CLEC4G: variants seen among roughly 807,000 people sequenced by gnomAD.
CLEC4G encodes C-type lectin superfamily 4, member G.
In CLEC4G, 34 loss-of-function variants were observed where a neutral mutation model predicts 37.0. The observed-to-expected ratio is 0.92, with a 90% CI of 0.70 to 1.22. The LOEUF is 1.22. Ranked by LOEUF, CLEC4G falls within the 50% of genes most tolerant of loss-of-function variation. The pLI is 0.00. For missense variants in CLEC4G, 390 were observed against 392.9 expected, an observed-to-expected ratio of 0.99 and a Z score of 0.06; for synonymous variants, 167 against 165.6, an observed-to-expected ratio of 1.01 and a Z score of -0.06.
Position 7,731,693 on chromosome 19 carries a change from C to T in CLEC4G, c.134G>A (p.Trp45Ter). 6.2e-7 allele frequency: 1 copy of T among 1,614,122 alleles called. No individual in the cohort carries two copies. The highest frequency in any genetic ancestry group is 8.5e-7 in the Non-Finnish European group (1 of 1,180,002). The change falls in exon 2 of 9, where the codon TGG (tryptophan) becomes TAG (stop). Residue 45 changes from tryptophan to a stop codon, truncating the protein, a stop_gained. Transcript: ENST00000328853. LOFTEE classifies it high-confidence loss of function. Reference protein sequence around the residue: ...ALAVLVTTVLWAVILSILLSK... With the variant: ...ALAVLVTTVL The stretch of plus-strand genomic sequence containing the variant: ...CAATAGGATACTCAGAATCACAGCC[C>T]AAAGGACTGTGGTGACCAGGACAGC...
rs759912399 is a variant in CLEC4G at position 7,731,821 on chromosome 19, G to A, written c.56-50C>T. On this transcript the variant is annotated intron_variant, in intron 1 of 8. Transcript: ENST00000328853. ...GGGTCCCCCAGAACTGAGCCCTGGA[G>A]GCCTGAGTTACTCCCAGGAAACTGA... 24 of 1,581,558 alleles carry A rather than the reference G, an allele frequency of 1.5e-5. No individual in the cohort carries two copies. The Admixed American group carries it at 4.1e-4, about 27-fold the overall frequency.
In CLEC4G at chr19:7,730,208, G is replaced by A; in HGVS notation, c.479-41C>T. Reference sequence around the variant, plus strand: ...GGTCAGAGAGGTCGCGTGCTTCCAGGGGCAACGCACCGAGAGGATGCAGTG... The same window carrying A: ...GGTCAGAGAGGTCGCGTGCTTCCAGAGGCAACGCACCGAGAGGATGCAGTG... On this transcript the variant is annotated intron_variant, in intron 6 of 8. Coordinates refer to ENST00000328853, the MANE Select transcript of CLEC4G (RefSeq NM_198492.4). The surrounding 1 kb of genome is among the most constrained non-coding windows in gnomAD (Gnocchi z 7.3). 6.2e-7 allele frequency: 1 copy of A among 1,601,932 alleles called. No individual in the cohort carries two copies. The highest frequency in any genetic ancestry group is 8.5e-7 in the Non-Finnish European group (1 of 1,175,012).
At chr19:7,731,222 G>A (rs1324120407) in intron 3 of CLEC4G, 44 bp downstream of exon 3, 4 of 1,573,628 alleles carry the variant, frequency 2.5e-6, no homozygotes, top group Non-Finnish European at 1.7e-6. Flanking sequence ...AGAAACTCCC[G>A]CCCCTCACGC....
Position 7,731,818 on chromosome 19 carries a change from G to A in CLEC4G, c.56-47C>T, listed in dbSNP as rs766565468. On this transcript the variant is annotated intron_variant, in intron 1 of 8. Coordinates refer to ENST00000328853, the MANE Select transcript of CLEC4G (RefSeq NM_198492.4). ...GCTGGGTCCCCCAGAACTGAGCCCT[G>A]GAGGCCTGAGTTACTCCCAGGAAAC... The A allele has an allele frequency of 3.2e-6, 5 of 1,584,828 alleles. No homozygotes were observed. In the South Asian group the frequency reaches 3.4e-5, roughly 11 times the overall value.
At chr19:7,731,184 G>T in intron 3 of CLEC4G, 82 bp downstream of exon 3, 1 of 1,576,692 alleles carries the variant, frequency 6.3e-7, no homozygotes. Flanking sequence ...GGGCCCCCAC[G>T]CACTCGAGAC....
chr19:7,731,219 C>T (rs2033426990), intron 3 of CLEC4G, 47 bp downstream of exon 3: 2 of 1,574,656 alleles, frequency 1.3e-6, no homozygotes, highest in Non-Finnish European at 8.6e-7. Flanking sequence ...CTCAGAAACT[C>T]CCGCCCCTCA....
chr19:7,729,205 G>T lies in CLEC4G; in HGVS notation c.*161C>A. On this transcript the variant is annotated 3_prime_UTR_variant, in exon 9 of 9. Transcript: ENST00000328853. ...ATGGAGGTCCCAGAGCCCAGGCACT[G>T]GGCTGGACAGGGCTATGTTGGGCCA... 1.4e-6 allele frequency: 1 copy of T among 703,422 alleles called. No homozygotes were observed. The highest frequency in any genetic ancestry group is 2.3e-4 in the Middle Eastern group (1 of 4,370). 43.6% of individuals were successfully genotyped at this position (703,422 alleles called of 1,614,324 possible).
In CLEC4G at chr19:7,730,621, G is replaced by T. The variant is rs2033414011; in HGVS notation, c.388+134C>A. On this transcript the variant is annotated intron_variant, in intron 5 of 8. Coordinates refer to ENST00000328853, the MANE Select transcript of CLEC4G (RefSeq NM_198492.4). The surrounding 1 kb of genome is among the most constrained non-coding windows in gnomAD (Gnocchi z 7.3). ...TCCGGGTGTGGCCGGCGCTAGGAGT[G>T]GCAGTCAAGGTCAGAGTGCAGCGTC... 1.4e-5 allele frequency: 20 copies of T among 1,447,952 alleles called. No homozygotes were observed. The highest frequency in any genetic ancestry group is 1.8e-5 in the Non-Finnish European group (20 of 1,101,166). The allele number at this position is 1,447,952 out of a possible 1,614,324, so 89.7% of individuals were successfully genotyped here. A position where few individuals can be genotyped will look rare whatever the true frequency, so the allele number is the denominator to read the frequency against.
intron 8 of CLEC4G, 87 bp from the exon 9 acceptor site, chr19:7,729,591 G>A: frequency 1.6e-6 from 2 of 1,242,714 alleles, no homozygotes; most frequent in Non-Finnish European, 1.1e-6. Context: ...GCTCTAGCCT[G>A]TTTATTGCTT....
rs1168303220 is a variant in CLEC4G, at chr19:7,730,849, C to T, written c.294G>A (p.Thr98=). Reference sequence around the variant, plus strand: ...CGCGCGTGGTCTGCAGCTGCGCCTGCGTCCCCGAGCCTGGGAGCCGCAGGG... The same window carrying T: ...CGCGCGTGGTCTGCAGCTGCGCCTGTGTCCCCGAGCCTGGGAGCCGCAGGG... ...VGDCHSCCSG[T]QAQLQTTRAE... Residue 98 remains threonine (T), a synonymous_variant, in exon 5 of 9, where the codon ACG becomes ACA. Transcript: ENST00000328853. The surrounding 1 kb of genome is among the most constrained non-coding windows in gnomAD (Gnocchi z 7.3). 6 of 1,529,838 alleles carry T rather than the reference C, an allele frequency of 3.9e-6. No individual in the cohort carries two copies. The highest frequency in any genetic ancestry group is 1.2e-5 in the South Asian group (1 of 83,566). The allele number at this position is 1,529,838 out of a possible 1,614,324, so 94.8% of individuals were successfully genotyped here.
Position 7,729,509 on chromosome 19 carries a change from AG to A in CLEC4G, c.744-6del, listed in dbSNP as rs1177248377. ...GGCTCTCCCTGGTTCCAGTGGCTAC[AG>A]GGGGGTTGAGTGGGGGTGTTGCTGG... is the stretch of plus-strand genomic sequence containing the variant. On this transcript the variant is annotated splice_polypyrimidine_tract_variant and splice_region_variant and intron_variant, in intron 8 of 8. Coordinates refer to ENST00000328853, the MANE Select transcript of CLEC4G (RefSeq NM_198492.4). 8.8e-6 allele frequency: 14 copies of A among 1,586,598 alleles called. 1 individual carries two copies. In the East Asian group the frequency reaches 9.0e-5, roughly 10 times the overall value.
rs2033439854 is a variant in CLEC4G, at chr19:7,731,950, C to T, written c.55+98G>A. On this transcript the variant is annotated intron_variant, in intron 1 of 8. Transcript: ENST00000328853. ...TGGCTCTATGGCCTGTGGTGTCTCT[C>T]CTGCACCCACAACCCTGGCCTGTCT... 3.4e-6 allele frequency: 5 copies of T among 1,453,770 alleles called. No homozygotes were observed. The Admixed American group carries it at 5.2e-5, about 15-fold the overall frequency. The allele number at this position is 1,453,770 out of a possible 1,614,324, so 90.1% of individuals were successfully genotyped here.
intron 2 of CLEC4G, 119 bp from the exon 3 acceptor site, chr19:7,731,438 C>G (rs1396324432): frequency 1.0e-5 from 15 of 1,490,788 alleles, no homozygotes; most frequent in Non-Finnish European, 1.3e-5. Flanking sequence ...ACAGCTCACA[C>G]GATGTGCACA....
rs2033392547 is a variant in CLEC4G, at chr19:7,729,436, C to CCCGTG, written c.807_811dup (p.Gly271AlafsTer53). On this transcript the variant is annotated frameshift_variant, in exon 9 of 9. Transcript: ENST00000328853. LOFTEE classifies it low-confidence loss of function (END_TRUNC). Reference sequence around the variant, plus strand: ...GTCACACGGTGCGTCGTTCCACAGCCCCGTGTGCAGCATCATGACACAGTT... The same window carrying CCCGTG: ...GTCACACGGTGCGTCGTTCCACAGCCCCGTGCCGTGTGCAGCATCATGACACAGTT... The CCCGTG allele has an allele frequency of 6.2e-7, 1 of 1,600,616 alleles. No homozygotes were observed. The highest frequency in any genetic ancestry group is 8.6e-7 in the Non-Finnish European group (1 of 1,167,950).
In CLEC4G at chr19:7,729,064, C is replaced by T; in HGVS notation, c.*302G>A. ...ACCAAACAGCTCCAGTCCTCAGTCACCTAACCTTGGTTAGGGAGAGAAGTG... is the reference window on the plus strand; with the variant it reads ...ACCAAACAGCTCCAGTCCTCAGTCATCTAACCTTGGTTAGGGAGAGAAGTG... On this transcript the variant is annotated 3_prime_UTR_variant, in exon 9 of 9. Transcript: ENST00000328853. The T allele has an allele frequency of 4.0e-6, 2 of 497,294 alleles. No individual in the cohort carries two copies. The highest frequency in any genetic ancestry group is 7.6e-6 in the Non-Finnish European group (2 of 262,042). 30.8% of individuals were successfully genotyped at this position (497,294 alleles called of 1,614,324 possible).
In CLEC4G at chr19:7,730,022, C is replaced by T; in HGVS notation, c.624G>A (p.Glu208=). The part of the protein sequence containing the change: ...AHLVIVGGLD[E]QGFLTRNTRG... ...CACGCCCCCTCCCCCTGCGCACCTG[C>T]TCATCCAGGCCCCCAACGATCACCA... The change falls in exon 7 of 9, where the codon GAG becomes GAA. Residue 208 remains glutamate, a synonymous_variant. Coordinates refer to ENST00000328853, the MANE Select transcript of CLEC4G (RefSeq NM_198492.4). The surrounding 1 kb of genome is among the most constrained non-coding windows in gnomAD (Gnocchi z 7.3). The T allele has an allele frequency of 6.3e-7, 1 of 1,597,956 alleles. No homozygotes were observed.
chr19:7,730,922 C>A lies in CLEC4G; in HGVS notation c.284-63G>T. The A allele has an allele frequency of 6.7e-7, 1 of 1,491,846 alleles. No homozygotes were observed. Among genetic ancestry groups the A allele is most frequent in the Non-Finnish European group, 8.9e-7 (1 of 1,128,022 alleles). 92.4% of individuals were successfully genotyped at this position (1,491,846 alleles called of 1,614,324 possible). ...GATGGGGCGGGACTTCGGAGACCAG[C>A]CCCCGCCCCGCACCACCCGCCGCAG... On this transcript the variant is annotated intron_variant, in intron 4 of 8. Transcript: ENST00000328853. The surrounding 1 kb of genome is among the most constrained non-coding windows in gnomAD (Gnocchi z 7.3).
chr19:7,730,179 C>T lies in CLEC4G; in HGVS notation c.479-12G>A. On this transcript the variant is annotated splice_polypyrimidine_tract_variant and intron_variant, in intron 6 of 8. Coordinates refer to ENST00000328853, the MANE Select transcript of CLEC4G (RefSeq NM_198492.4). This position sits in a 1 kb window ranked among gnomAD's most constrained non-coding sequence, Gnocchi z 7.3. ...CGGCTCGCAGGAGTCTGCGGGGTGG[C>T]GAGGGTCAGAGAGGTCGCGTGCTTC... is the stretch of plus-strand genomic sequence containing the variant. 6.2e-7 allele frequency: 1 copy of T among 1,610,286 alleles called. No homozygotes were observed.
chr19:7,729,138 G>T lies in CLEC4G; in HGVS notation c.*228C>A. 1.5e-6 allele frequency: 1 copy of T among 665,476 alleles called. No homozygotes were observed. The highest frequency in any genetic ancestry group is 1.5e-5 in the South Asian group (1 of 66,338). 41.2% of individuals were successfully genotyped at this position (665,476 alleles called of 1,614,324 possible). On this transcript the variant is annotated 3_prime_UTR_variant, in exon 9 of 9. Transcript: ENST00000328853. The stretch of plus-strand genomic sequence containing the variant: ...AGCAGGGATTTTGGAGCTAGTGGAG[G>T]TTAGGTTGGGTCTGCGTGAGTGGAG...
Sources: gnomAD v4.1 joint callset for allele counts on GRCh38, gnomAD v4.1.1 for gene constraint, Gnocchi (gnomAD v3.1) non-coding constraint, MANE v1.5 for transcripts, NCBI Gene and HGNC (gene_info 2026-07-23, HGNC 2026-07-21) for gene names.